The following PTP4A3 variants were observed in gnomAD, a reference collection of about 807,000 sequenced individuals.
PTP4A3 encodes the protein protein tyrosine phosphatase type IVA 3.
PTP4A3 carries 9 observed loss-of-function variants against 15.2 expected under a neutral mutation model. The ratio of observed to expected loss-of-function variants is 0.59; its 90% CI spans 0.36 to 1.03. The LOEUF is 1.03. Among genes scored for constraint, PTP4A3 ranks in the 50% least tolerant of loss-of-function variants. The pLI, the probability that PTP4A3 is intolerant of heterozygous loss-of-function variation, is 0.02. For missense variants in PTP4A3, 234 were observed against 252.1 expected (o/e 0.93, Z 0.49); for synonymous variants, 95 against 102.0 (o/e 0.93, Z 0.41).
At chr8:141,404,327 C>G (rs1314068015) in intron 1 of PTP4A3, among the ~76,000 whole-genome samples, 1 of 152,280 alleles carries the variant, frequency 6.6e-6, no homozygotes, top group Non-Finnish European at 1.5e-5. Flanking sequence ...CTGCGCCTCT[C>G]CCCCTTTCAG....
chr8:141,423,638 T>C (rs1286074806), intron 2 of PTP4A3, among the ~76,000 whole-genome samples: 2 of 146,684 alleles, frequency 1.4e-5, no homozygotes, highest in Non-Finnish European at 3.0e-5. Context: ...GGCTCAGTGT[T>C]TGACCAGGAT....
At chr8:141,412,975 G>A (rs1832909750) in intron 1 of PTP4A3, among the ~76,000 whole-genome samples, 1 of 152,208 alleles carries the variant, frequency 6.6e-6, no homozygotes, top group South Asian at 2.1e-4. Flanking sequence ...CCACTTTGGG[G>A]CCTCTGGCTG....
intron 1 of PTP4A3, among the ~76,000 whole-genome samples, chr8:141,421,033 G>C (rs563881156): frequency 6.6e-6 from 1 of 152,288 alleles, no homozygotes; most frequent in South Asian, 2.1e-4. Context: ...TTAGGAACTC[G>C]GCCTCTGTCC....
At chr8:141,394,743 C>G (rs991619057) in intron 1 of PTP4A3, among the ~76,000 whole-genome samples, 2 of 152,248 alleles carry the variant, frequency 1.3e-5, no homozygotes, top group Non-Finnish European at 2.9e-5. Flanking sequence ...GCTCGCAGGA[C>G]CCATAGGCAG....
intron 1 of PTP4A3, among the ~76,000 whole-genome samples, chr8:141,416,883 G>A (rs1449999521): frequency 6.6e-6 from 1 of 152,092 alleles, no homozygotes; most frequent in East Asian, 1.9e-4. Context: ...TCTCAGCTGG[G>A]CCCCTTGATG....
chr8:141,409,515 T>C (rs898451515), intron 1 of PTP4A3, among the ~76,000 whole-genome samples: 2 of 152,172 alleles, frequency 1.3e-5, no homozygotes, highest in Non-Finnish European at 2.9e-5. Context: ...CCAGAGCCCC[T>C]GAGGGGCTGT....
At chr8:141,417,896 C>T (rs1396005381) in intron 1 of PTP4A3, among the ~76,000 whole-genome samples, 1 of 151,938 alleles carries the variant, frequency 6.6e-6, no homozygotes, top group African/African-American at 2.4e-5. Context: ...TAGCCGCAGG[C>T]GGCGGTGGCG....
In PTP4A3 at chr8:141,420,102, C is replaced by G. The variant is rs374274960; in HGVS notation, c.-853-1286C>G. 2.0e-5 allele frequency among the ~76,000 whole-genome samples: 3 copies of G among 152,012 alleles called. No homozygotes were observed. The East Asian group carries it at 5.8e-4, about 29-fold the overall frequency. ...AGGGCCCAGCCTGCCTGGTGGGCAG[C>G]TGGGAAGGGGGTGCTGGGGCTGGGG... On this transcript the variant is annotated intron_variant, in intron 1 of 5. Coordinates refer to ENST00000521578, the MANE Select transcript of PTP4A3 (RefSeq NM_032611.3).
At chr8:141,413,158 G>T (rs1254238772) in intron 1 of PTP4A3, among the ~76,000 whole-genome samples, 1 of 152,174 alleles carries the variant, frequency 6.6e-6, no homozygotes, top group Admixed American at 6.5e-5. Context: ...TGCCTGGTGT[G>T]CCAGGGAGGC....
intron 1 of PTP4A3, among the ~76,000 whole-genome samples, chr8:141,394,078 G>A (rs972374854): frequency 6.6e-6 from 1 of 152,160 alleles, no homozygotes; most frequent in African/African-American, 2.4e-5. Flanking sequence ...CCCTCTCACC[G>A]CCAGGGTGGG....
Position 141,425,231 on chromosome 8 carries a change from C to T in PTP4A3, c.198+91C>T, listed in dbSNP as rs1324169984. The T allele has an allele frequency of 1.1e-5, 15 of 1,313,132 alleles. No homozygotes were observed. The highest frequency in any genetic ancestry group is 2.0e-5 in the Admixed American group (1 of 51,256). The allele number at this position is 1,313,132 out of a possible 1,614,324, so 81.3% of individuals were successfully genotyped here. A position where few individuals can be genotyped will look rare whatever the true frequency, so the allele number is the denominator to read the frequency against. ...CGGGCCTGCGCAGAGGGTTTGGTGC[C>T]CCTCCTGTGGCAGCCCTGGGCATGT... On this transcript the variant is annotated intron_variant, in intron 3 of 5. Transcript: ENST00000521578. This position sits in a 1 kb window ranked among gnomAD's most constrained non-coding sequence, Gnocchi z 4.2.
intron 1 of PTP4A3, among the ~76,000 whole-genome samples, chr8:141,415,332 C>T (rs1273591235): frequency 6.6e-6 from 1 of 151,950 alleles, no homozygotes; most frequent in East Asian, 2.0e-4. Context: ...ACTACAGGGC[C>T]TGGGTCTCCG....
chr8:141,392,955 G>A (rs568668243), intron 1 of PTP4A3, among the ~76,000 whole-genome samples: 9 of 152,310 alleles, frequency 5.9e-5, no homozygotes, highest in East Asian at 3.9e-4. Context: ...CTCTGCCTGC[G>A]GGCTCTGGGG....
intron 5 of PTP4A3, among the ~76,000 whole-genome samples, chr8:141,429,420 C>T (rs1833741841): frequency 1.3e-5 from 2 of 152,276 alleles, no homozygotes; most frequent in African/African-American, 4.8e-5. Context: ...TCAGGTGTGG[C>T]TGCAGCATCC....
rs147906271 is a variant in PTP4A3 at position 141,402,827 on chromosome 8, G to A, written c.-854+10743G>A. On this transcript the variant is annotated intron_variant, in intron 1 of 5. Coordinates refer to ENST00000521578, the MANE Select transcript of PTP4A3 (RefSeq NM_032611.3). ...CCCTGAGAGTGTCTTGGGGTTTCGG[G>A]CCTGGCAAGCATCCCCAGCCTCCCC... Among the ~76,000 whole-genome samples, 308 of 152,222 alleles carry A rather than the reference G, an allele frequency of 2.0e-3. 1 individual carries two copies. The highest frequency in any genetic ancestry group is 7.0e-3 in the African/African-American group (289 of 41,526).
rs911245441 is a variant in PTP4A3, at chr8:141,394,885, G to A, written c.-854+2801G>A. 3.3e-5 allele frequency among the ~76,000 whole-genome samples: 5 copies of A among 152,336 alleles called. No homozygotes were observed. The East Asian group carries it at 7.7e-4, about 24-fold the overall frequency. Reference sequence around the variant, plus strand: ...GTTACGTGGTCGGGTTGGCATCGCCGCCGCCTGACTTCGGCGCCCCGCGAG... The same window carrying A: ...GTTACGTGGTCGGGTTGGCATCGCCACCGCCTGACTTCGGCGCCCCGCGAG... On this transcript the variant is annotated intron_variant, in intron 1 of 5. Transcript: ENST00000521578.
chr8:141,413,920 T>C (rs541247942), intron 1 of PTP4A3, among the ~76,000 whole-genome samples: 1 of 152,122 alleles, frequency 6.6e-6, no homozygotes, highest in Admixed American at 6.5e-5. Flanking sequence ...AAAGATGCTG[T>C]GTGGACAGGA....
chr8:141,395,717 C>A (rs1173657603), intron 1 of PTP4A3, among the ~76,000 whole-genome samples: 1 of 134,222 alleles, frequency 7.5e-6, no homozygotes, highest in Non-Finnish European at 1.5e-5. Flanking sequence ...CGTTCATCTA[C>A]CCGGGGTAGG....
chr8:141,400,713 A>C (rs976593215), intron 1 of PTP4A3, among the ~76,000 whole-genome samples: 5 of 151,718 alleles, frequency 3.3e-5, no homozygotes. Context: ...CAGCCCCTTC[A>C]TCCCTATCCT....
Sources: gnomAD v4.1 joint callset for allele counts (sites outside exome capture counted in the v4.1 genomes callset) on GRCh38, gnomAD v4.1.1 for gene constraint, Gnocchi (gnomAD v3.1) non-coding constraint, MANE v1.5 for transcripts, NCBI Gene and HGNC (gene_info 2026-07-23, HGNC 2026-07-21) for gene names.